Variants in CFAP77 observed in about 807,000 individuals in gnomAD.
CFAP77 encodes cilia- and flagella-associated protein 77.
A neutral mutation model predicts 31.1 loss-of-function variants in CFAP77; 25 were observed. That is an observed-to-expected ratio of 0.80 (90% CI 0.59 to 1.12). The LOEUF (loss-of-function observed/expected upper bound fraction) is 1.12, where lower values mean the gene tolerates loss of function less well. CFAP77 is among the 50% of genes most tolerant of loss of function. The probability of loss-of-function intolerance (pLI) is 0.00; values close to 1 mark genes in which losing one functional copy is unlikely to be tolerated. For missense variants in CFAP77, 377 were observed against 397.3 expected, an observed-to-expected ratio of 0.95 and a Z score of 0.44; for synonymous variants, 151 against 159.9, an observed-to-expected ratio of 0.94 and a Z score of 0.42.
intron 5 of CFAP77, among the ~76,000 whole-genome samples, chr9:132,569,884 C>T (rs1188352356): frequency 6.6e-6 from 1 of 152,016 alleles, no homozygotes; most frequent in Non-Finnish European, 1.5e-5. Flanking sequence ...TACAGGCACC[C>T]ACCACCACAC....
At position 132,455,703 on chromosome 9, in the gene CFAP77, C is replaced by A. The variant is rs1014603599; in HGVS notation, c.196-42992C>A. Among the ~76,000 whole-genome samples the A allele has an allele frequency of 8.5e-5, 13 of 152,076 alleles. 1 individual carries two copies. The highest frequency in any genetic ancestry group is 3.1e-4 in the African/African-American group (13 of 41,394). ...TTGAGATCGCACTACTGCACTCTGGCCTGGGTGACAGAGCAAGACTGTCTC... is the reference window on the plus strand; with the variant it reads ...TTGAGATCGCACTACTGCACTCTGGACTGGGTGACAGAGCAAGACTGTCTC... On this transcript the variant is annotated intron_variant, in intron 1 of 5. Transcript: ENST00000393216. The surrounding 1 kb of genome is among the most constrained non-coding windows in gnomAD (Gnocchi z 4.1).
chr9:132,463,327 G>A (rs1403661646), intron 1 of CFAP77, among the ~76,000 whole-genome samples: 3 of 152,208 alleles, frequency 2.0e-5, no homozygotes, highest in Admixed American at 2.0e-4. Flanking sequence ...GTTTTAGAGT[G>A]TAGAAAACCC....
intron 1 of CFAP77, among the ~76,000 whole-genome samples, chr9:132,458,539 T>C (rs1489860923): frequency 6.6e-6 from 1 of 152,202 alleles, no homozygotes; most frequent in Admixed American, 6.5e-5. Context: ...ATAGGTCAGG[T>C]CCGCACAGGA....
intron 3 of CFAP77, among the ~76,000 whole-genome samples, 189 bp from the exon 4 acceptor site, chr9:132,537,412 C>T (rs551391813): frequency 6.6e-6 from 1 of 152,280 alleles, no homozygotes; most frequent in Admixed American, 6.5e-5. Flanking sequence ...CCCAGGCCCA[C>T]CACTCATCAG....
Position 132,497,324 on chromosome 9 carries a change from G to C in CFAP77, c.196-1371G>C, listed in dbSNP as rs968734596. 6.6e-6 allele frequency among the ~76,000 whole-genome samples: 1 copy of C among 152,152 alleles called. No individual in the cohort carries two copies. Among genetic ancestry groups the C allele is most frequent in the African/African-American group, 2.4e-5 (1 of 41,420 alleles). On this transcript the variant is annotated intron_variant, in intron 1 of 5. Transcript: ENST00000393216. This position sits in a 1 kb window ranked among gnomAD's most constrained non-coding sequence, Gnocchi z 4.9. ...AGCCTGTGGGAGCTGGAGAGAGGGG[G>C]ATATAGACGAGATGGCAGGAGACAG...
At position 132,552,712 on chromosome 9, in the gene CFAP77, A is replaced by G. The variant is rs1031173421; in HGVS notation, c.732+9665A>G. Among the ~76,000 whole-genome samples the G allele has an allele frequency of 1.3e-5, 2 of 150,036 alleles. No homozygotes were observed. Among genetic ancestry groups the G allele is most frequent in the Admixed American group, 1.3e-4 (2 of 15,134 alleles). ...CTCCATCTCAAAAAAAAAAAAAAAA[A>G]GCAGAGTCCAGGGCCTCTCCAGGAC... On this transcript the variant is annotated intron_variant, in intron 5 of 5. Coordinates refer to ENST00000393216, the MANE Select transcript of CFAP77 (RefSeq NM_001282957.2). This position sits in a 1 kb window ranked among gnomAD's most constrained non-coding sequence, Gnocchi z 5.5.
chr9:132,429,927 G>GAGAGGCTCAGTTAACCTTGGAAGGGA (rs1472857846), intron 1 of CFAP77, among the ~76,000 whole-genome samples: 300 of 152,182 alleles, frequency 2.0e-3, no homozygotes, highest in Non-Finnish European at 3.7e-3. Context: ...TCTGCTTGGT[G>GAGAGGCTCAGTTAACCTTGGAAGGGA]AGAGGCTCAG....
chr9:132,471,753 T>G (rs896363747), intron 1 of CFAP77, among the ~76,000 whole-genome samples: 3 of 152,112 alleles, frequency 2.0e-5, no homozygotes, highest in Non-Finnish European at 4.4e-5. Context: ...CAAGCTGGAG[T>G]GCATTGGTGC....
chr9:132,458,352 G>A (rs112977513), intron 1 of CFAP77, among the ~76,000 whole-genome samples: 3 of 98,650 alleles, frequency 3.0e-5, no homozygotes, highest in Non-Finnish European at 4.4e-5. Context: ...CGGGGGAGGG[G>A]GGGGGGTGTG....
intron 5 of CFAP77, among the ~76,000 whole-genome samples, chr9:132,568,057 G>A (rs2119111103): frequency 6.6e-6 from 1 of 152,282 alleles, no homozygotes; most frequent in East Asian, 1.9e-4. Context: ...GGGCCGAGGA[G>A]GAAGGAATGG....
At chr9:132,476,289 T>C (rs571758968) in intron 1 of CFAP77, among the ~76,000 whole-genome samples, 32 of 152,202 alleles carry the variant, frequency 2.1e-4, no homozygotes, top group African/African-American at 7.7e-4. Context: ...CCTTACTCAC[T>C]GTGTCCCATA....
intron 1 of CFAP77, among the ~76,000 whole-genome samples, chr9:132,415,266 G>C (rs4962065): frequency 6.6e-6 from 1 of 152,078 alleles, no homozygotes; most frequent in Non-Finnish European, 1.5e-5. Context: ...TCTCTCCCTC[G>C]TGGCCCTTTT....
rs898839179 is a variant in CFAP77, at chr9:132,531,374, G to A, written c.525-6227G>A. On this transcript the variant is annotated intron_variant, in intron 3 of 5. Coordinates refer to ENST00000393216, the MANE Select transcript of CFAP77 (RefSeq NM_001282957.2). Reference sequence around the variant, plus strand: ...ACAAACCAATGAATGAGCGCCCCCCGCGTGGGAGGGCGCCGGACCAGGGCT... The same window carrying A: ...ACAAACCAATGAATGAGCGCCCCCCACGTGGGAGGGCGCCGGACCAGGGCT... Among the ~76,000 whole-genome samples, 12 of 152,282 alleles carry A rather than the reference G, an allele frequency of 7.9e-5. No individual in the cohort carries two copies. The East Asian group carries it at 2.3e-3, about 29-fold the overall frequency.
At chr9:132,523,079 T>C (rs1330447852) in intron 3 of CFAP77, among the ~76,000 whole-genome samples, 1 of 130,604 alleles carries the variant, frequency 7.7e-6, no homozygotes, top group African/African-American at 3.0e-5. Flanking sequence ...GTAGGCTTCT[T>C]TCTTCTTTCT....
At chr9:132,553,693 T>C (rs1852855245) in intron 5 of CFAP77, among the ~76,000 whole-genome samples, 1 of 152,248 alleles carries the variant, frequency 6.6e-6, no homozygotes, top group African/African-American at 2.4e-5. Flanking sequence ...GAGTTCTGAA[T>C]GTTGGAAGGG....
intron 3 of CFAP77, among the ~76,000 whole-genome samples, chr9:132,514,272 A>T (rs1414421886): frequency 6.6e-6 from 1 of 151,882 alleles, no homozygotes; most frequent in South Asian, 2.1e-4. Context: ...CCCCTGTGTC[A>T]TTGACCACGG....
At position 132,497,397 on chromosome 9, in the gene CFAP77, G is replaced by C. The variant is rs1283806999; in HGVS notation, c.196-1298G>C. Among the ~76,000 whole-genome samples, 1 of 152,256 alleles carries C rather than the reference G, an allele frequency of 6.6e-6. No individual in the cohort carries two copies. Among genetic ancestry groups the C allele is most frequent in the African/African-American group, 2.4e-5 (1 of 41,476 alleles). On this transcript the variant is annotated intron_variant, in intron 1 of 5. Transcript: ENST00000393216. This position sits in a 1 kb window ranked among gnomAD's most constrained non-coding sequence, Gnocchi z 4.9. ...CTCTGGACAGTCTTTGGCGCAGCCAGAGTGGAGAGATCCCGGGAAATGTAA... is the reference window on the plus strand; with the variant it reads ...CTCTGGACAGTCTTTGGCGCAGCCACAGTGGAGAGATCCCGGGAAATGTAA...
chr9:132,562,190 A>T (rs1829822992), intron 5 of CFAP77, among the ~76,000 whole-genome samples: 1 of 152,160 alleles, frequency 6.6e-6, no homozygotes, highest in African/African-American at 2.4e-5. Flanking sequence ...ATCCTTTCTA[A>T]ACTGTGTGTG....
At chr9:132,434,711 T>C (rs1766771629) in intron 1 of CFAP77, among the ~76,000 whole-genome samples, 1 of 152,120 alleles carries the variant, frequency 6.6e-6, no homozygotes, top group African/African-American at 2.4e-5. Context: ...CTGTGTGTTA[T>C]CAAGCCCCCA....
Sources: gnomAD v4.1 joint callset for allele counts (sites outside exome capture counted in the v4.1 genomes callset) on GRCh38, gnomAD v4.1.1 for gene constraint, Gnocchi (gnomAD v3.1) non-coding constraint, MANE v1.5 for transcripts, NCBI Gene and HGNC (gene_info 2026-07-23, HGNC 2026-07-21) for gene names.